Variants in KDM4C observed in about 807,000 individuals in gnomAD.
KDM4C encodes lysine-specific demethylase 4C.
In KDM4C, 81 loss-of-function variants were observed where a neutral mutation model predicts 129.3. The observed-to-expected ratio is 0.63, with a 90% CI of 0.52 to 0.75. The LOEUF is 0.75. KDM4C is among the 30% of genes least tolerant of loss of function. The pLI is 0.00. For synonymous variants in KDM4C, 573 were observed against 456.1 expected (o/e 1.26, Z -3.26); for missense variants, 1,457 against 1,304.0 (o/e 1.12, Z -1.81).
rs192518954 is a variant in KDM4C at position 7,026,516 on chromosome 9, T to G, written c.2259+10587T>G. Among the ~76,000 whole-genome samples, 4 of 152,262 alleles carry G rather than the reference T, an allele frequency of 2.6e-5. No homozygotes were observed. In the East Asian group the frequency reaches 7.7e-4, roughly 29 times the overall value. On this transcript the variant is annotated intron_variant, in intron 15 of 21. Transcript: ENST00000381309. ...TTCTCTTGCTGCTTTTAGGATCCTTTTTTTCCCCTTGACCTTTGGGAGTTT... is the reference window on the plus strand; with the variant it reads ...TTCTCTTGCTGCTTTTAGGATCCTTGTTTTCCCCTTGACCTTTGGGAGTTT...
chr9:6,835,156 C>G, intron 4 of KDM4C: 1 of 966,246 alleles, frequency 1.0e-6, no homozygotes, highest in Non-Finnish European at 1.7e-6. Flanking sequence ...CAGCTCCTCC[C>G]TGGAGAAGAG....
intron 4 of KDM4C, among the ~76,000 whole-genome samples, chr9:6,845,375 T>C (rs1396315835): frequency 6.6e-6 from 1 of 152,130 alleles, no homozygotes. Flanking sequence ...GCACCACACC[T>C]GGCTAATTTT....
At chr9:6,951,190 C>G (rs1170123410) in intron 8 of KDM4C, among the ~76,000 whole-genome samples, 1 of 151,988 alleles carries the variant, frequency 6.6e-6, no homozygotes. Flanking sequence ...CATTCAATGT[C>G]TTCTTTCTTA....
chr9:7,041,073 G>A (rs1422814948), intron 15 of KDM4C, among the ~76,000 whole-genome samples: 1 of 136,336 alleles, frequency 7.3e-6, no homozygotes, highest in Non-Finnish European at 1.6e-5. Context: ...TTCTCTTTTT[G>A]TCTTTCAATT....
intron 3 of KDM4C, among the ~76,000 whole-genome samples, chr9:6,812,701 G>A (rs1831384856): frequency 6.6e-6 from 1 of 152,088 alleles, no homozygotes; most frequent in Non-Finnish European, 1.5e-5. Flanking sequence ...GACCCCTACT[G>A]GGGATTGGGG....
chr9:6,796,008 G>A (rs1379221214), intron 2 of KDM4C, among the ~76,000 whole-genome samples: 4 of 152,136 alleles, frequency 2.6e-5, no homozygotes, highest in Non-Finnish European at 2.9e-5. Context: ...GGAATATTAA[G>A]TTGAGTGAAA....
intron 5 of KDM4C, among the ~76,000 whole-genome samples, chr9:6,860,407 A>G (rs1840709711): frequency 6.6e-6 from 1 of 152,200 alleles, no homozygotes; most frequent in Non-Finnish European, 1.5e-5. Context: ...CTATACTTAG[A>G]TTCTGACCCC....
At chr9:6,872,858 C>T (rs2130680594) in intron 5 of KDM4C, among the ~76,000 whole-genome samples, 1 of 152,240 alleles carries the variant, frequency 6.6e-6, no homozygotes, top group Non-Finnish European at 1.5e-5. Flanking sequence ...GGTAAATGAA[C>T]ATTGGATGTA....
rs772577817 is a variant in KDM4C at position 6,835,710 on chromosome 9, CAG to C, written c.436-13796_436-13795del. ...TTTTTGTTTTTGTTTTGGCTTGACT[CAG>C]GATTTAAAAACTGGAACGGTGAAGG... On this transcript the variant is annotated intron_variant, in intron 4 of 21. Transcript: ENST00000381309. The C allele has an allele frequency of 3.0e-5, 20 of 656,294 alleles. No individual in the cohort carries two copies. In the Middle Eastern group the frequency reaches 1.3e-3, roughly 43 times the overall value. 40.7% of individuals were successfully genotyped at this position (656,294 alleles called of 1,614,324 possible).
At chr9:6,858,059 A>G (rs1588735655) in intron 5 of KDM4C, among the ~76,000 whole-genome samples, 1 of 149,540 alleles carries the variant, frequency 6.7e-6, no homozygotes, top group Admixed American at 6.7e-5. Flanking sequence ...AAGCTCAAGC[A>G]CTCTTCCTGC....
At chr9:6,887,876 C>T in intron 6 of KDM4C, 84 bp from the exon 7 acceptor site, 3 of 825,418 alleles carry the variant, frequency 3.6e-6, no homozygotes, top group Non-Finnish European at 6.3e-6. Context: ...ACAGTAAGAA[C>T]ACTAGAACTT....
chr9:6,975,532 A>G (rs1832774246), intron 8 of KDM4C, among the ~76,000 whole-genome samples: 1 of 152,196 alleles, frequency 6.6e-6, no homozygotes, highest in African/African-American at 2.4e-5. Context: ...GGACTAATTA[A>G]TGTGAGTCCT....
intron 6 of KDM4C, among the ~76,000 whole-genome samples, chr9:6,886,499 CT>C (rs36095385): frequency 5.2e-4 from 69 of 133,198 alleles, no homozygotes; most frequent in Admixed American, 7.2e-4. Context: ...TTCTTTTTTC[CT>C]TTTTTTTTTT....
intron 4 of KDM4C, among the ~76,000 whole-genome samples, chr9:6,838,296 T>C (rs182117632): frequency 1.7e-4 from 26 of 152,344 alleles, no homozygotes; most frequent in African/African-American, 5.8e-4. Flanking sequence ...GTTCATTATT[T>C]GCGCTATCTC....
chr9:6,830,032 C>G (rs1369751452), intron 4 of KDM4C, among the ~76,000 whole-genome samples: 2 of 152,084 alleles, frequency 1.3e-5, no homozygotes, highest in Non-Finnish European at 1.5e-5. Flanking sequence ...ATCTGTTTTA[C>G]AGATGATCAA....
At chr9:7,031,597 G>C (rs1195714285) in intron 15 of KDM4C, among the ~76,000 whole-genome samples, 1 of 151,940 alleles carries the variant, frequency 6.6e-6, no homozygotes, top group Admixed American at 6.6e-5. Context: ...CTATTTTGGT[G>C]GCTGTTTATG....
chr9:7,139,523 C>T (rs1841534956), intron 19 of KDM4C, among the ~76,000 whole-genome samples: 1 of 152,072 alleles, frequency 6.6e-6, no homozygotes, highest in South Asian at 2.1e-4. Context: ...ATGTGAGTGC[C>T]ATTGATATTA....
intron 4 of KDM4C, among the ~76,000 whole-genome samples, chr9:6,825,118 C>T (rs560355427): frequency 6.9e-6 from 1 of 145,878 alleles, no homozygotes; most frequent in Admixed American, 7.0e-5. Flanking sequence ...TGCACTCCAG[C>T]CTGGGCAACC....
At chr9:7,101,052 G>A (rs62533903) in intron 17 of KDM4C, among the ~76,000 whole-genome samples, 7 of 151,972 alleles carry the variant, frequency 4.6e-5, no homozygotes, top group Non-Finnish European at 7.4e-5. Flanking sequence ...ATATAGTTAC[G>A]TAGGGGTTGG....
Sources: gnomAD v4.1 joint callset for allele counts (sites outside exome capture counted in the v4.1 genomes callset) on GRCh38, gnomAD v4.1.1 for gene constraint, MANE v1.5 for transcripts, NCBI Gene and HGNC (gene_info 2026-07-23, HGNC 2026-07-21) for gene names.